MACROD2: variants seen among roughly 807,000 people sequenced by gnomAD.
The protein encoded by MACROD2 is ADP-ribose glycohydrolase MACROD2.
In MACROD2, 36 loss-of-function variants were observed where a neutral mutation model predicts 70.4. The ratio of observed to expected loss-of-function variants is 0.51; its 90% CI spans 0.39 to 0.68. MACROD2 has a LOEUF of 0.68. Ranked by LOEUF, MACROD2 falls within the 30% of genes least tolerant of loss-of-function variation. The pLI, the probability that MACROD2 is intolerant of heterozygous loss-of-function variation, is 0.00. For synonymous variants in MACROD2, 172 were observed against 178.8 expected (o/e 0.96, Z 0.30); for missense variants, 496 against 538.4 (o/e 0.92, Z 0.78).
At chr20:15,206,482 T>G (rs1169652258) in intron 5 of MACROD2, among the ~76,000 whole-genome samples, 1 of 152,098 alleles carries the variant, frequency 6.6e-6, no homozygotes, top group Non-Finnish European at 1.5e-5. Context: ...TTTGATTACG[T>G]ACATACATCA....
At position 15,113,865 on chromosome 20, in the gene MACROD2, T is replaced by G. The variant is rs184499516; in HGVS notation, c.419-116075T>G. On this transcript the variant is annotated intron_variant, in intron 5 of 17. Coordinates refer to ENST00000684519, the MANE Select transcript of MACROD2 (RefSeq NM_001351661.2). ...ACAGGATATCTCCAGATGATTTCAT[T>G]TGAAGGGGGAAAGCTCCAAATTATT... 1.7e-3 allele frequency among the ~76,000 whole-genome samples: 265 copies of G among 152,032 alleles called. 2 individuals are homozygous for G. Among genetic ancestry groups the G allele is most frequent in the African/African-American group, 5.9e-3 (243 of 41,472 alleles).
intron 6 of MACROD2, among the ~76,000 whole-genome samples, chr20:15,353,893 C>T (rs2078256307): frequency 8.0e-6 from 1 of 125,188 alleles, no homozygotes. Context: ...CACTTTTACA[C>T]TGTTGGTGGG....
intron 7 of MACROD2, among the ~76,000 whole-genome samples, chr20:15,438,017 T>C (rs395204): frequency 0.16 from 24,044 of 151,982 alleles, 2,174 homozygotes; most frequent in Non-Finnish European, 0.21. Context: ...AAATTAGCCA[T>C]GGTAGTGGGC....
At chr20:14,753,043 T>G (rs77564708) in intron 5 of MACROD2, among the ~76,000 whole-genome samples, 4,009 of 152,128 alleles carry the variant, frequency 0.026, 213 homozygotes, top group African/African-American at 0.091. Context: ...CACTTGTGTT[T>G]AGCTCCCCTG....
rs574045213 is a variant in MACROD2, at chr20:15,359,933, A to G, written c.541-71472A>G. 2.6e-5 allele frequency among the ~76,000 whole-genome samples: 4 copies of G among 152,258 alleles called. No homozygotes were observed. The East Asian group carries it at 7.7e-4, about 29-fold the overall frequency. On this transcript the variant is annotated intron_variant, in intron 6 of 17. Coordinates refer to ENST00000684519, the MANE Select transcript of MACROD2 (RefSeq NM_001351661.2). Reference sequence around the variant, plus strand: ...ACATGGGTAGATTCCTGTAACCACTACTAAACAGACACAGAACCATTACAT... The same window carrying G: ...ACATGGGTAGATTCCTGTAACCACTGCTAAACAGACACAGAACCATTACAT...
intron 5 of MACROD2, among the ~76,000 whole-genome samples, chr20:14,730,692 A>T (rs529885555): frequency 6.6e-6 from 1 of 152,318 alleles, no homozygotes; most frequent in South Asian, 2.1e-4. Context: ...GAGAAAAGAA[A>T]TTCATACATA....
chr20:14,684,296 AGGTTT>A (rs2070972093), intron 4 of MACROD2, among the ~76,000 whole-genome samples: 1 of 152,170 alleles, frequency 6.6e-6, no homozygotes, highest in African/African-American at 2.4e-5. Context: ...AGTTGCTCAA[AGGTTT>A]GGTTTTGATT....
In MACROD2 at chr20:14,087,974, CAT is replaced by C. The variant is rs748709042; in HGVS notation, c.271+2247_271+2248del. Among the ~76,000 whole-genome samples, 82 of 151,938 alleles carry C rather than the reference CAT, an allele frequency of 5.4e-4. 1 individual carries two copies. The highest frequency in any genetic ancestry group is 1.5e-3 in the Admixed American group (23 of 15,274). On this transcript the variant is annotated intron_variant, in intron 3 of 17. Transcript: ENST00000684519. ...TATAAATAAAAGATATATATACACA[CAT>C]GTGATCTTTTATATATACACACATA...
chr20:14,581,616 C>T (rs1324366704), intron 4 of MACROD2, among the ~76,000 whole-genome samples: 1 of 152,122 alleles, frequency 6.6e-6, no homozygotes, highest in African/African-American at 2.4e-5. Flanking sequence ...ATATATAAAA[C>T]TTAGTCACTG....
chr20:15,022,293 A>T (rs1037889925), intron 5 of MACROD2, among the ~76,000 whole-genome samples: 2 of 152,176 alleles, frequency 1.3e-5, no homozygotes, highest in African/African-American at 2.4e-5. Context: ...CTACCAATGT[A>T]GGCAACTGCA....
In MACROD2 at chr20:14,326,919, T is replaced by A; in HGVS notation, c.272-166560T>A. The A allele has an allele frequency of 6.2e-7, 1 of 1,613,792 alleles. No individual in the cohort carries two copies. Among genetic ancestry groups the A allele is most frequent in the South Asian group, 1.1e-5 (1 of 91,088 alleles). On this transcript the variant is annotated intron_variant, in intron 3 of 17. Coordinates refer to ENST00000684519, the MANE Select transcript of MACROD2 (RefSeq NM_001351661.2). The surrounding 1 kb of genome is among the most constrained non-coding windows in gnomAD (Gnocchi z 5.5). ...CCAGGCGTTTTAGACTAGTGAGACCTTGAAGAGATGGTGATGAAATAGTGG... is the reference window on the plus strand; with the variant it reads ...CCAGGCGTTTTAGACTAGTGAGACCATGAAGAGATGGTGATGAAATAGTGG...
At chr20:15,713,457 G>A (rs1269838356) in intron 8 of MACROD2, among the ~76,000 whole-genome samples, 19 of 152,184 alleles carry the variant, frequency 1.2e-4, no homozygotes, top group Non-Finnish European at 2.6e-4. Context: ...ACAGGCTTCT[G>A]CTTCTGAGAA....
intron 8 of MACROD2, among the ~76,000 whole-genome samples, chr20:15,537,708 A>G (rs186050748): frequency 1.3e-5 from 2 of 152,054 alleles, no homozygotes; most frequent in East Asian, 3.9e-4. Flanking sequence ...TCCTGACCTC[A>G]AGTGATATGC....
intron 3 of MACROD2, among the ~76,000 whole-genome samples, chr20:14,172,826 C>T (rs2081233833): frequency 6.6e-6 from 1 of 152,042 alleles, no homozygotes; most frequent in Admixed American, 6.6e-5. Context: ...CTCCTTTTAG[C>T]AGTGCTGGTT....
At chr20:15,966,795 A>G (rs2066146478) in intron 12 of MACROD2, among the ~76,000 whole-genome samples, 1 of 151,884 alleles carries the variant, frequency 6.6e-6, no homozygotes, top group Non-Finnish European at 1.5e-5. Context: ...AATGAATGAG[A>G]CCTACTTGCT....
intron 4 of MACROD2, among the ~76,000 whole-genome samples, chr20:14,507,711 A>G (rs1343735208): frequency 6.6e-6 from 1 of 152,218 alleles, no homozygotes; most frequent in East Asian, 1.9e-4. Context: ...AAGTGCCACA[A>G]CAATGAATCA....
intron 3 of MACROD2, among the ~76,000 whole-genome samples, chr20:14,191,663 G>GA (rs1367151711): frequency 3.3e-5 from 5 of 152,210 alleles, no homozygotes; most frequent in African/African-American, 7.2e-5. Flanking sequence ...TTCCTGAGAA[G>GA]ATGGCACTTG....
At chr20:14,493,399 C>G in intron 3 of MACROD2, 80 bp from the exon 4 acceptor site, 1 of 1,220,256 alleles carries the variant, frequency 8.2e-7, no homozygotes, top group Non-Finnish European at 1.2e-6. Context: ...TCATTATTAG[C>G]TTTATCTTGA....
At chr20:15,871,603 A>G (rs186867157) in intron 9 of MACROD2, among the ~76,000 whole-genome samples, 4 of 152,334 alleles carry the variant, frequency 2.6e-5, no homozygotes, top group Non-Finnish European at 4.4e-5. Context: ...ATTCAGAGGC[A>G]AATGTGTATG....
Sources: allele counts gnomAD v4.1 joint callset (sites outside exome capture counted in the v4.1 genomes callset), GRCh38; gene constraint gnomAD v4.1.1; non-coding constraint Gnocchi (gnomAD v3.1); transcripts MANE v1.5; gene names NCBI Gene and HGNC (gene_info 2026-07-23, HGNC 2026-07-21).